SVEP1: variants seen among roughly 807,000 people sequenced by gnomAD.
The protein encoded by SVEP1 is sushi, von Willebrand factor type A, EGF and pentraxin domain containing 1, also known as sushi, von Willebrand factor type A, EGF and pentraxin domain-containing protein 1.
In SVEP1, 164 loss-of-function variants were observed where a neutral mutation model predicts 367.3. The observed-to-expected ratio is 0.45, with a 90% CI of 0.39 to 0.51. SVEP1 has a LOEUF of 0.51. SVEP1 is among the 20% of genes least tolerant of loss of function. The pLI is 0.00. For synonymous variants in SVEP1, 1,666 were observed against 1,611.6 expected (o/e 1.03, Z -0.81); for missense variants, 4,117 against 4,425.3 (o/e 0.93, Z 1.98).
At chr9:110,375,724 C>A (rs532849926) in intron 45 of SVEP1, among the ~76,000 whole-genome samples, 14 of 150,002 alleles carry the variant, frequency 9.3e-5, no homozygotes, top group African/African-American at 3.6e-4. Flanking sequence ...GAAGACACTC[C>A]GTAATCAGTG....
chr9:110,367,794 G>T lies in SVEP1; in HGVS notation c.10695-1234C>A, dbSNP rs569039861. ...TGTAAAAAATTCTGTAAGAAATTTT[G>T]TCCTGGCCAGGCACGGTGGCTCATG... is the stretch of plus-strand genomic sequence containing the variant. On this transcript the variant is annotated intron_variant, in intron 47 of 47. Transcript: ENST00000374469. Among the ~76,000 whole-genome samples the T allele has an allele frequency of 2.0e-5, 3 of 152,048 alleles. No individual in the cohort carries two copies. The East Asian group carries it at 5.8e-4, about 29-fold the overall frequency.
intron 3 of SVEP1, among the ~76,000 whole-genome samples, chr9:110,544,102 A>G (rs537881837): frequency 6.6e-6 from 1 of 152,044 alleles, no homozygotes; most frequent in Non-Finnish European, 1.5e-5. Context: ...AGATGAGAGG[A>G]GTAAAAGAAA....
intron 7 of SVEP1, among the ~76,000 whole-genome samples, chr9:110,497,913 G>T (rs1829475724): frequency 6.6e-6 from 1 of 152,010 alleles, no homozygotes; most frequent in Non-Finnish European, 1.5e-5. Flanking sequence ...TCTCAAAGGG[G>T]CTTATACTTG....
At chr9:110,383,001 C>A (rs1827461557) in intron 43 of SVEP1, among the ~76,000 whole-genome samples, 1 of 152,206 alleles carries the variant, frequency 6.6e-6, no homozygotes, top group African/African-American at 2.4e-5. Flanking sequence ...TGGTTTAGAA[C>A]ATGTTCCTTT....
chr9:110,373,970 T>C (rs535809410), intron 46 of SVEP1, among the ~76,000 whole-genome samples: 4 of 152,330 alleles, frequency 2.6e-5, no homozygotes, highest in Admixed American at 2.0e-4. Context: ...AGTTTTGTAA[T>C]ATTTTTCCAT....
chr9:110,383,884 G>A (rs964353983), intron 43 of SVEP1, among the ~76,000 whole-genome samples: 1 of 152,104 alleles, frequency 6.6e-6, no homozygotes, highest in Non-Finnish European at 1.5e-5. Context: ...GTCTGGCCAC[G>A]ATCTGTCACA....
intron 4 of SVEP1, 144 bp from the exon 5 acceptor site, chr9:110,513,249 G>T: frequency 1.3e-6 from 1 of 780,762 alleles, no homozygotes; most frequent in Non-Finnish European, 2.0e-6. Flanking sequence ...GGATTTTCAA[G>T]TACATATTTG....
In SVEP1 at chr9:110,398,236, T is replaced by C. The variant is rs528225718; in HGVS notation, c.9822+2618A>G. Among the ~76,000 whole-genome samples, 719 of 152,164 alleles carry C rather than the reference T, an allele frequency of 4.7e-3. 5 individuals carry two copies. The highest frequency in any genetic ancestry group is 6.4e-3 in the Non-Finnish European group (438 of 68,000). ...TGACAAACCTGACAAAAACAAGAAA[T>C]GGGGAAAGGATTCCCTATTTAATAA... On this transcript the variant is annotated intron_variant, in intron 40 of 47. Transcript: ENST00000374469.
intron 3 of SVEP1, among the ~76,000 whole-genome samples, chr9:110,530,877 T>C (rs1376446717): frequency 3.9e-5 from 6 of 152,168 alleles, no homozygotes; most frequent in African/African-American, 1.2e-4. Context: ...TACAGCTTTT[T>C]ACAGCTTCTC....
intron 40 of SVEP1, among the ~76,000 whole-genome samples, chr9:110,391,649 A>G (rs1234831310): frequency 1.3e-5 from 2 of 152,164 alleles, no homozygotes; most frequent in Non-Finnish European, 2.9e-5. Context: ...GGTATTAACT[A>G]CAAAATTGAG....
intron 40 of SVEP1, among the ~76,000 whole-genome samples, chr9:110,397,852 G>C (rs374344780): frequency 3.3e-5 from 5 of 151,934 alleles, no homozygotes; most frequent in Non-Finnish European, 7.4e-5. Flanking sequence ...AGGATACAAA[G>C]AAATGGAAGA....
chr9:110,570,995 TGA>T (rs1457292381), intron 1 of SVEP1, among the ~76,000 whole-genome samples: 5 of 128,884 alleles, frequency 3.9e-5, no homozygotes, highest in African/African-American at 1.5e-4. Flanking sequence ...TTTTTTTTTT[TGA>T]GACAGGTCTT....
At chr9:110,414,012 G>T (rs527268505) in intron 36 of SVEP1, among the ~76,000 whole-genome samples, 1 of 152,088 alleles carries the variant, frequency 6.6e-6, no homozygotes, top group South Asian at 2.1e-4. Context: ...AGCAGAATTG[G>T]GATCAGAATT....
intron 19 of SVEP1, 91 bp downstream of exon 19, chr9:110,458,861 A>C: frequency 6.8e-7 from 1 of 1,477,422 alleles, no homozygotes; most frequent in Non-Finnish European, 9.1e-7. Flanking sequence ...AATCCACCGA[A>C]AATAGTAATA....
At chr9:110,387,132 A>G (rs992796443) in intron 42 of SVEP1, among the ~76,000 whole-genome samples, 153 bp downstream of exon 42, 1 of 152,348 alleles carries the variant, frequency 6.6e-6, no homozygotes, top group African/African-American at 2.4e-5. Flanking sequence ...ACATATTTTT[A>G]AAATATCCCA....
chr9:110,529,069 A>G (rs1829983035), intron 3 of SVEP1, among the ~76,000 whole-genome samples: 1 of 151,970 alleles, frequency 6.6e-6, no homozygotes, highest in South Asian at 2.1e-4. Context: ...AGAGACAGGT[A>G]TCCAGTTTCA....
At position 110,411,506 on chromosome 9, in the gene SVEP1, G is replaced by T. The variant is rs764299953; in HGVS notation, c.6205C>A (p.Pro2069Thr). 9 of 1,614,052 alleles carry T rather than the reference G, an allele frequency of 5.6e-6. No individual in the cohort carries two copies. The highest frequency in any genetic ancestry group is 1.1e-5 in the South Asian group (1 of 91,084). Reference sequence around the variant, plus strand: ...CGGGGCATGTCTTGACCTTCTGGGGGTACCCACTTGCCCTGGGCATTGCAG... The same window carrying T: ...CGGGGCATGTCTTGACCTTCTGGGGTTACCCACTTGCCCTGGGCATTGCAG... ...LLCNAQGKWV[P>T]PEGQDMPRCI... Residue 2069 changes from proline (P) to threonine (T), a missense_variant, in exon 37 of 48, where the codon CCC becomes ACC. Pro to Thr is a conservative substitution (Grantham distance 38, BLOSUM62 -1). Around this residue, in one of 4 missense-constraint regions of SVEP1, gnomAD observed 2,174 missense variants for 2,494.3 expected, o/e 0.87. Transcript: ENST00000374469.
chr9:110,380,099 T>A (rs1478551751), intron 43 of SVEP1, among the ~76,000 whole-genome samples: 2 of 152,248 alleles, frequency 1.3e-5, no homozygotes, highest in Non-Finnish European at 2.9e-5. Flanking sequence ...TTTTCAATAC[T>A]GTAAAAGAGT....
chr9:110,426,700 C>A (rs1361874831), intron 36 of SVEP1, among the ~76,000 whole-genome samples: 1 of 152,200 alleles, frequency 6.6e-6, no homozygotes, highest in Non-Finnish European at 1.5e-5. Flanking sequence ...AGCCACCCCT[C>A]CATACTTTAT....
Sources: gnomAD v4.1 joint callset for allele counts (sites outside exome capture counted in the v4.1 genomes callset) on GRCh38, gnomAD v4.1.1 for gene constraint, gnomAD v4.1.1 regional missense constraint, MANE v1.5 for transcripts, NCBI Gene and HGNC (gene_info 2026-07-23, HGNC 2026-07-21) for gene names.